SCML1: variants seen among roughly 807,000 people sequenced by gnomAD.
The protein encoded by SCML1 is Scm polycomb group protein like 1.
For synonymous variants in SCML1, 104 were observed against 103.6 expected (o/e 1.00, Z -0.02); for missense variants, 137 against 258.1 (o/e 0.53, Z 3.22).
At position 17,738,433 on chromosome X, in the gene SCML1, C is replaced by G. The variant is rs1267161065; in HGVS notation, c.-117+753C>G. 8.0e-5 allele frequency among the ~76,000 whole-genome samples: 9 copies of G among 112,547 alleles called. No homozygotes were observed. The East Asian group carries it at 2.5e-3, about 31-fold the overall frequency. On this transcript the variant is annotated intron_variant, in intron 1 of 7. Transcript: ENST00000380041. ...CGATTTTCCAAGCAGCTTTGCCGCG[C>G]GGTGTTTTCTAAAGCGGGGCGTGGG...
Position 17,751,979 on chromosome X carries a change from T to G in SCML1, c.855+13T>G. 1 of 1,204,286 alleles carries G rather than the reference T, an allele frequency of 8.3e-7. No homozygotes were observed. The highest frequency in any genetic ancestry group is 1.1e-6 in the Non-Finnish European group (1 of 890,365). Reference sequence around the variant, plus strand: ...CTTCAGAAGCCATGTAATGTATCTTTTGATCCTGTTTTCCTGCTGTAATGC... The same window carrying G: ...CTTCAGAAGCCATGTAATGTATCTTGTGATCCTGTTTTCCTGCTGTAATGC... On this transcript the variant is annotated intron_variant, in intron 7 of 7. Transcript: ENST00000380041.
intron 1 of SCML1, among the ~76,000 whole-genome samples, chrX:17,741,721 G>C (rs1056615111): frequency 2.3e-4 from 25 of 111,048 alleles, no homozygotes; most frequent in African/African-American, 6.6e-5. Flanking sequence ...TTTAGTTTCT[G>C]TCTCTAGGGA....
At position 17,744,029 on chromosome X, in the gene SCML1, T is replaced by A. The variant is rs1040763162; in HGVS notation, c.-116-42T>A. 17 of 429,033 alleles carry A rather than the reference T, an allele frequency of 4.0e-5. No individual in the cohort carries two copies. In the African/African-American group the frequency reaches 4.0e-4, roughly 10 times the overall value. The allele number at this position is 429,033 out of a possible 1,213,427, so 35.4% of individuals were successfully genotyped here. A position where few individuals can be genotyped will look rare whatever the true frequency, so the allele number is the denominator to read the frequency against. On this transcript the variant is annotated intron_variant, in intron 1 of 7. Transcript: ENST00000380041. ...TGAGAGTATATCCATATTATTAAGGTAGTAAGTGTATGAAGTAACTTTTTT... is the reference window on the plus strand; with the variant it reads ...TGAGAGTATATCCATATTATTAAGGAAGTAAGTGTATGAAGTAACTTTTTT...
intron 4 of SCML1, among the ~76,000 whole-genome samples, 198 bp from the exon 5 acceptor site, chrX:17,749,202 C>T (rs1316316787): frequency 1.8e-5 from 2 of 112,167 alleles, no homozygotes; most frequent in Non-Finnish European, 1.9e-5. Context: ...GGGGACTACT[C>T]TAGCTCAGCC....
intron 5 of SCML1, 119 bp from the exon 6 acceptor site, chrX:17,749,775 C>A: frequency 4.6e-6 from 3 of 655,097 alleles, no homozygotes; most frequent in East Asian, 3.3e-5. Flanking sequence ...CAAAAGGGAC[C>A]ATTTATTTTT....
chrX:17,741,747 G>A (rs1160398530), intron 1 of SCML1, among the ~76,000 whole-genome samples: 1 of 111,113 alleles, frequency 9.0e-6, no homozygotes, highest in East Asian at 2.8e-4. Flanking sequence ...GGAAAAGAGG[G>A]ATGAGGAAGG....
intron 7 of SCML1, among the ~76,000 whole-genome samples, chrX:17,752,834 A>G (rs1601881766): frequency 9.0e-6 from 1 of 111,719 alleles, no homozygotes; most frequent in East Asian, 2.8e-4. Flanking sequence ...ACAACATTGT[A>G]TAGACATTTA....
At chrX:17,740,155 A>G (rs1224368316) in intron 1 of SCML1, among the ~76,000 whole-genome samples, 2 of 112,018 alleles carry the variant, frequency 1.8e-5, no homozygotes. Flanking sequence ...TTTACAGGTT[A>G]GAAAATTTGA....
rs1601882936 is a variant in SCML1, at chrX:17,754,028, A to T, written c.*636A>T. ...TAAGATAAACTATAGGATAGATAGA[A>T]TGGTTATTTTATGCAAGAAATATTG... On this transcript the variant is annotated 3_prime_UTR_variant, in exon 8 of 8. Coordinates refer to ENST00000380041, the MANE Select transcript of SCML1 (RefSeq NM_001037540.3). 1 of 112,127 alleles carries T rather than the reference A, an allele frequency of 8.9e-6. No individual in the cohort carries two copies. Among genetic ancestry groups the T allele is most frequent in the East Asian group, 2.8e-4 (1 of 3,614 alleles). 9.2% of individuals were successfully genotyped at this position (112,127 alleles called of 1,213,427 possible). A position where few individuals can be genotyped will look rare whatever the true frequency, so the allele number is the denominator to read the frequency against.
chrX:17,742,686 C>T (rs1453634010), intron 1 of SCML1, among the ~76,000 whole-genome samples: 1 of 112,421 alleles, frequency 8.9e-6, no homozygotes, highest in Non-Finnish European at 1.9e-5. Flanking sequence ...ACTACTTGCA[C>T]AGGTGCAAGA....
intron 6 of SCML1, 52 bp from the exon 7 acceptor site, chrX:17,751,763 A>G: frequency 1.8e-6 from 2 of 1,139,849 alleles, no homozygotes; most frequent in Non-Finnish European, 2.4e-6. Flanking sequence ...CAGGATAATG[A>G]TCAGGTCGAG....
rs892889929 is a variant in SCML1, at chrX:17,754,184, A to G, written c.*792A>G. ...ATTGTTTGCATCTCTCTATGAAGAT[A>G]CGTCTGTCCAAACTTTTAAAAGGCA... On this transcript the variant is annotated 3_prime_UTR_variant, in exon 8 of 8. Transcript: ENST00000380041. The G allele has an allele frequency of 5.9e-4, 66 of 111,940 alleles. No homozygotes were observed. Among genetic ancestry groups the G allele is most frequent in the African/African-American group, 2.1e-3 (66 of 30,886 alleles). 9.2% of individuals were successfully genotyped at this position (111,940 alleles called of 1,213,427 possible).
At chrX:17,737,286 C>T (rs1434882651), upstream of SCML1, among the ~76,000 whole-genome samples, 2 of 108,036 alleles carry the variant, frequency 1.9e-5, no homozygotes, top group Non-Finnish European at 3.9e-5. Flanking sequence ...CAAATTCCCG[C>T]CCTCGGCCCC....
upstream of SCML1, among the ~76,000 whole-genome samples, chrX:17,737,297 GC>G (rs1315271345): frequency 2.3e-5 from 2 of 85,657 alleles, no homozygotes; most frequent in East Asian, 8.2e-4. Flanking sequence ...CCTCGGCCCC[GC>G]CCCACAGCCA....
intron 6 of SCML1, among the ~76,000 whole-genome samples, chrX:17,751,410 AGATT>A (rs1429812926): frequency 8.9e-6 from 1 of 112,432 alleles, no homozygotes; most frequent in East Asian, 2.8e-4. Flanking sequence ...TAATCTAGAT[AGATT>A]AAGAGAGAAA....
intron 6 of SCML1, among the ~76,000 whole-genome samples, chrX:17,750,811 T>G (rs2066701193): frequency 8.9e-6 from 1 of 112,901 alleles, no homozygotes; most frequent in Non-Finnish European, 1.9e-5. Flanking sequence ...TGTTTTTGGC[T>G]AATTCACACA....
At chrX:17,753,007 T>G (rs898282717) in intron 7 of SCML1, among the ~76,000 whole-genome samples, 1 of 110,141 alleles carries the variant, frequency 9.1e-6, no homozygotes. Flanking sequence ...TTTGACACAG[T>G]TTATTTTTTA....
At chrX:17,740,583 G>T (rs1340897308) in intron 1 of SCML1, among the ~76,000 whole-genome samples, 1 of 111,776 alleles carries the variant, frequency 8.9e-6, no homozygotes, top group Non-Finnish European at 1.9e-5. Context: ...CCCAAACCCA[G>T]GTATTCTGAC....
chrX:17,745,757 C>T (rs770061075), intron 3 of SCML1: 2 of 351,834 alleles, frequency 5.7e-6, no homozygotes, highest in Non-Finnish European at 9.8e-6. Context: ...TTTGTACTCA[C>T]TTTCAGTATA....
Sources: gnomAD v4.1 joint callset for allele counts (sites outside exome capture counted in the v4.1 genomes callset) on GRCh38, gnomAD v4.1.1 for gene constraint, MANE v1.5 for transcripts, NCBI Gene and HGNC (gene_info 2026-07-23, HGNC 2026-07-21) for gene names.